The following MAGI1 variants were observed in gnomAD, a reference collection of about 807,000 sequenced individuals.
MAGI1 encodes the protein membrane associated guanylate kinase, WW and PDZ domain containing 1.
Under a neutral mutation model 139.9 loss-of-function variants are expected in MAGI1, and 58 were observed. The ratio of observed to expected loss-of-function variants is 0.41; its 90% CI spans 0.34 to 0.52. The LOEUF (loss-of-function observed/expected upper bound fraction) is 0.52, where lower values mean the gene tolerates loss of function less well. MAGI1 is among the 20% of genes least tolerant of loss of function. MAGI1 has a pLI of 0.12. For synonymous variants in MAGI1, 812 were observed against 737.9 expected, an observed-to-expected ratio of 1.10 and a Z score of -1.63; for missense variants, 1,874 against 1,901.6, an observed-to-expected ratio of 0.99 and a Z score of 0.27.
intron 2 of MAGI1, among the ~76,000 whole-genome samples, chr3:65,522,262 T>C (rs984500155): frequency 1.3e-5 from 2 of 152,208 alleles, no homozygotes; most frequent in African/African-American, 4.8e-5. Context: ...ATTGAGAGTT[T>C]CCAAAAAGAA....
chr3:65,431,009 TA>T (rs1947413596), intron 10 of MAGI1, 128 bp from the exon 11 acceptor site: 1 of 831,782 alleles, frequency 1.2e-6, no homozygotes, highest in Non-Finnish European at 1.9e-6. Context: ...TATAGCATCT[TA>T]AGAAAGTCCT....
intron 2 of MAGI1, among the ~76,000 whole-genome samples, chr3:65,556,099 G>A (rs1024013644): frequency 1.8e-4 from 27 of 152,156 alleles, no homozygotes; most frequent in African/African-American, 5.8e-4. Context: ...TGGAAGTAGC[G>A]GAACAGAGAA....
intron 2 of MAGI1, among the ~76,000 whole-genome samples, chr3:65,510,475 G>A (rs1441230043): frequency 6.7e-6 from 1 of 149,240 alleles, no homozygotes; most frequent in Admixed American, 6.7e-5. Flanking sequence ...TGATGGAGCT[G>A]AAAACCAAGG....
At chr3:65,657,696 T>G (rs1423943819) in intron 1 of MAGI1, among the ~76,000 whole-genome samples, 2 of 152,210 alleles carry the variant, frequency 1.3e-5, no homozygotes, top group Non-Finnish European at 2.9e-5. Flanking sequence ...AATCTTTACT[T>G]GGCTGCATTC....
At chr3:65,724,009 C>T (rs1348826445) in intron 1 of MAGI1, among the ~76,000 whole-genome samples, 1 of 152,196 alleles carries the variant, frequency 6.6e-6, no homozygotes, top group African/African-American at 2.4e-5. Context: ...TACATCATCA[C>T]TTCAAAGAAA....
chr3:65,830,062 CT>C (rs982424023), intron 1 of MAGI1, among the ~76,000 whole-genome samples: 3 of 152,114 alleles, frequency 2.0e-5, no homozygotes, highest in Non-Finnish European at 4.4e-5. Flanking sequence ...CAGATGAAGC[CT>C]GGTACACATA....
chr3:65,933,106 A>T (rs1255902305), intron 1 of MAGI1, among the ~76,000 whole-genome samples: 1 of 152,244 alleles, frequency 6.6e-6, no homozygotes, highest in Non-Finnish European at 1.5e-5. Flanking sequence ...TATGGCTGAA[A>T]GAACCTGTTC....
rs17074029 is a variant in MAGI1, at chr3:65,868,935, T to C, written c.313+169061A>G. ...TTTCAACCCTCTGACCCTGCCCTAC[T>C]TTTTCCTTTGCCCATAGCCCCTATC... On this transcript the variant is annotated intron_variant, in intron 1 of 22. Transcript: ENST00000402939. 3.2e-3 allele frequency among the ~76,000 whole-genome samples: 481 copies of C among 152,168 alleles called. 18 individuals are homozygous for C. The East Asian group carries it at 0.072, about 23-fold the overall frequency.
intron 1 of MAGI1, among the ~76,000 whole-genome samples, chr3:65,857,366 T>C (rs2059408075): frequency 6.6e-6 from 1 of 152,202 alleles, no homozygotes; most frequent in South Asian, 2.1e-4. Context: ...AAGTTAAAAA[T>C]TGATAAACTT....
chr3:65,785,881 T>C (rs1185015624), intron 1 of MAGI1, among the ~76,000 whole-genome samples: 1 of 152,116 alleles, frequency 6.6e-6, no homozygotes, highest in East Asian at 1.9e-4. Flanking sequence ...TCAAGTGTAA[T>C]TTTTTAGGCC....
chr3:65,919,285 G>T (rs1465665264), intron 1 of MAGI1, among the ~76,000 whole-genome samples: 4 of 152,234 alleles, frequency 2.6e-5, no homozygotes, highest in Admixed American at 6.5e-5. Flanking sequence ...ACAAGGGCCA[G>T]ATGTAATGGC....
rs555833817 is a variant in MAGI1 at position 65,961,981 on chromosome 3, T to C, written c.313+76015A>G. Among the ~76,000 whole-genome samples, 5 of 152,300 alleles carry C rather than the reference T, an allele frequency of 3.3e-5. No individual in the cohort carries two copies. In the South Asian group the frequency reaches 1.0e-3, roughly 32 times the overall value. ...TGCTTTGGAAAAAGCTATTTCCAAA[T>C]TGGGACAGCTTCCATGAAGTGACTG... On this transcript the variant is annotated intron_variant, in intron 1 of 22. Coordinates refer to ENST00000402939, the MANE Select transcript of MAGI1 (RefSeq NM_001033057.2).
intron 1 of MAGI1, among the ~76,000 whole-genome samples, chr3:65,782,557 C>T (rs925130978): frequency 6.9e-6 from 1 of 144,782 alleles, no homozygotes; most frequent in Non-Finnish European, 1.5e-5. Context: ...TGTTCCTAAC[C>T]CTTCTGGACC....
At chr3:65,802,997 AAG>A (rs996364697) in intron 1 of MAGI1, among the ~76,000 whole-genome samples, 14 of 151,898 alleles carry the variant, frequency 9.2e-5, no homozygotes, top group Non-Finnish European at 1.9e-4. Flanking sequence ...CATGCAGATG[AAG>A]AGAGAGAGAG....
At chr3:65,891,884 TAATA>T (rs1317049239) in intron 1 of MAGI1, among the ~76,000 whole-genome samples, 2 of 85,854 alleles carry the variant, frequency 2.3e-5, no homozygotes, top group African/African-American at 9.5e-5. Flanking sequence ...ACTTAAAGTA[TAATA>T]TATATATATA....
At chr3:66,004,753 G>A (rs1003663910) in intron 1 of MAGI1, among the ~76,000 whole-genome samples, 1 of 152,254 alleles carries the variant, frequency 6.6e-6, no homozygotes, top group South Asian at 2.1e-4. Context: ...CATGAACAAG[G>A]TAAGTCCAAA....
chr3:65,906,125 T>C (rs939077760), intron 1 of MAGI1, among the ~76,000 whole-genome samples: 4 of 152,200 alleles, frequency 2.6e-5, no homozygotes, highest in Non-Finnish European at 5.9e-5. Context: ...AAATATACTG[T>C]TACTATGAAG....
chr3:65,496,955 T>C (rs1418578013), intron 2 of MAGI1, among the ~76,000 whole-genome samples: 1 of 152,146 alleles, frequency 6.6e-6, no homozygotes, highest in East Asian at 1.9e-4. Context: ...ACCTATTTTG[T>C]GACCTGGGCA....
intron 2 of MAGI1, among the ~76,000 whole-genome samples, chr3:65,565,857 A>C (rs1256329627): frequency 3.6e-5 from 2 of 55,440 alleles, no homozygotes; most frequent in African/African-American, 9.2e-5. Flanking sequence ...ACTCCGTGTC[A>C]AAAAAAAAAA....
Sources: gnomAD v4.1 joint callset for allele counts (sites outside exome capture counted in the v4.1 genomes callset) on GRCh38, gnomAD v4.1.1 for gene constraint, MANE v1.5 for transcripts, NCBI Gene and HGNC (gene_info 2026-07-23, HGNC 2026-07-21) for gene names.